The following ZNF654 variants were observed in gnomAD, a reference collection of about 807,000 sequenced individuals.
ZNF654 encodes zinc finger protein 654.
In ZNF654, 19 loss-of-function variants were observed where a neutral mutation model predicts 95.3. That is an observed-to-expected ratio of 0.20 (90% CI 0.14 to 0.29). ZNF654 has a LOEUF of 0.29. ZNF654 is among the 10% of genes least tolerant of loss of function. The pLI is 1.00. For missense variants in ZNF654, 1,046 were observed against 1,341.0 expected, an observed-to-expected ratio of 0.78 and a Z score of 3.44; for synonymous variants, 413 against 457.9, an observed-to-expected ratio of 0.90 and a Z score of 1.25.
At chr3:88,097,792 A>G (rs1252315900) in intron 2 of ZNF654, among the ~76,000 whole-genome samples, 4 of 152,214 alleles carry the variant, frequency 2.6e-5, no homozygotes. Context: ...AATGAGAACA[A>G]AGACACAACA....
intron 2 of ZNF654, among the ~76,000 whole-genome samples, chr3:88,094,051 C>T (rs1172367357): frequency 1.3e-5 from 2 of 151,772 alleles, no homozygotes; most frequent in Non-Finnish European, 2.9e-5. Context: ...AGAGAAAAAT[C>T]TAGGTCGTCT....
chr3:88,075,885 T>G (rs1290738409), intron 1 of ZNF654, among the ~76,000 whole-genome samples: 1 of 152,224 alleles, frequency 6.6e-6, no homozygotes, highest in Non-Finnish European at 1.5e-5. Flanking sequence ...TTGCTCACTC[T>G]TGTATCTGAC....
intron 2 of ZNF654, among the ~76,000 whole-genome samples, chr3:88,093,248 C>T (rs1292623167): frequency 6.6e-6 from 1 of 152,148 alleles, no homozygotes; most frequent in Non-Finnish European, 1.5e-5. Context: ...AGTTAAGTTT[C>T]ACAGGTGAAA....
chr3:88,132,889 A>G (rs574805964), intron 6 of ZNF654, among the ~76,000 whole-genome samples: 10 of 152,340 alleles, frequency 6.6e-5, no homozygotes, highest in African/African-American at 2.4e-4. Flanking sequence ...AAGTGATAGC[A>G]TCTGTGCCTA....
intron 1 of ZNF654, among the ~76,000 whole-genome samples, chr3:88,059,844 TTCC>T (rs1362899371): frequency 6.6e-6 from 1 of 152,132 alleles, no homozygotes; most frequent in Admixed American, 6.5e-5. Context: ...TTTCTTATGT[TTCC>T]TACCCTGGTC....
chr3:88,079,431 T>C (rs1446552467), intron 1 of ZNF654, among the ~76,000 whole-genome samples: 3 of 152,074 alleles, frequency 2.0e-5, no homozygotes, highest in Non-Finnish European at 4.4e-5. Context: ...TGATGGGACA[T>C]TGCATGTTTT....
At chr3:88,067,750 A>G (rs1707281188) in intron 1 of ZNF654, among the ~76,000 whole-genome samples, 1 of 152,222 alleles carries the variant, frequency 6.6e-6, no homozygotes, top group Non-Finnish European at 1.5e-5. Flanking sequence ...TGATGGGATC[A>G]GTAGTCAGGT....
intron 2 of ZNF654, among the ~76,000 whole-genome samples, chr3:88,110,141 G>C (rs1705001407): frequency 6.6e-6 from 1 of 152,118 alleles, no homozygotes; most frequent in South Asian, 2.1e-4. Flanking sequence ...GCCAGGAATT[G>C]TGCCAAGTGC....
intron 1 of ZNF654, among the ~76,000 whole-genome samples, chr3:88,073,528 G>A (rs1217842247): frequency 2.0e-5 from 3 of 152,142 alleles, no homozygotes; most frequent in African/African-American, 4.8e-5. Flanking sequence ...CTGAATAAGT[G>A]GCTGGAACAA....
chr3:88,139,920 C>T lies in ZNF654; in HGVS notation c.2251C>T (p.Leu751Phe). ...DQEGNFKCPA[L>F]GCVRIFKRIG... The stretch of plus-strand genomic sequence containing the variant: ...AGAAGGAAACTTTAAGTGTCCTGCT[C>T]TTGGTTGTGTCCGGATATTTAAAAG... The change falls in exon 8 of 9, where the codon CTT becomes TTT. Residue 751 changes from leucine to phenylalanine, a missense_variant. Transcript: ENST00000636215. 1 of 1,613,574 alleles carries T rather than the reference C, an allele frequency of 6.2e-7. No individual in the cohort carries two copies. Among genetic ancestry groups the T allele is most frequent in the Non-Finnish European group, 8.5e-7 (1 of 1,179,740 alleles).
chr3:88,126,230 C>G lies in ZNF654; in HGVS notation c.511C>G (p.Gln171Glu), dbSNP rs981496765. ...DGGPWEDPVL[Q>E]AVLKAQPASQ... ...TGGCCCATGGGAAGATCCAGTGTTG[C>G]AAGCTGTCCTTAAAGCTCAGCCAGC... The change falls in exon 4 of 9, where the codon CAA (glutamine) becomes GAA (glutamate). Residue 171 changes from glutamine to glutamate, a missense_variant. By Grantham distance (29) the Gln-to-Glu change is conservative. This residue lies in a region of ZNF654 where 91 missense variants were observed against 190.5 expected (regional missense o/e 0.48). Coordinates refer to ENST00000636215, the MANE Select transcript of ZNF654 (RefSeq NM_001350134.2). 3.9e-6 allele frequency: 6 copies of G among 1,529,236 alleles called. No individual in the cohort carries two copies. The highest frequency in any genetic ancestry group is 1.4e-5 in the African/African-American group (1 of 72,926). 94.7% of individuals were successfully genotyped at this position (1,529,236 alleles called of 1,614,324 possible).
In ZNF654 at chr3:88,117,945, T is replaced by TA. The variant is rs5850829; in HGVS notation, c.414+4761dup. Among the ~76,000 whole-genome samples, 182 of 147,818 alleles carry TA rather than the reference T, an allele frequency of 1.2e-3. 1 individual carries two copies. The highest frequency in any genetic ancestry group is 3.5e-3 in the African/African-American group (141 of 40,264). On this transcript the variant is annotated intron_variant, in intron 3 of 8. Transcript: ENST00000636215. ...CCAGTACTATTGCCCAATAGATGAT[T>TA]AAAAAAAAAAAACAACCAAGAACAT...
At chr3:88,096,902 C>T (rs2107699638) in intron 2 of ZNF654, among the ~76,000 whole-genome samples, 1 of 152,128 alleles carries the variant, frequency 6.6e-6, no homozygotes. Context: ...AGAAAAAAAC[C>T]TCATATTATC....
intron 1 of ZNF654, among the ~76,000 whole-genome samples, chr3:88,060,392 T>C (rs1326290219): frequency 6.6e-6 from 1 of 152,184 alleles, no homozygotes; most frequent in Non-Finnish European, 1.5e-5. Flanking sequence ...GGGTAAAGTT[T>C]GTGTACTCTG....
chr3:88,067,976 A>C (rs751111573), intron 1 of ZNF654, among the ~76,000 whole-genome samples: 3 of 152,158 alleles, frequency 2.0e-5, no homozygotes, highest in Non-Finnish European at 4.4e-5. Context: ...AAATCTACAA[A>C]AGAAGGGATT....
intron 1 of ZNF654, among the ~76,000 whole-genome samples, chr3:88,061,481 C>T (rs2107580363): frequency 6.6e-6 from 1 of 152,170 alleles, no homozygotes; most frequent in Middle Eastern, 3.4e-3. Context: ...CAACTTTTAC[C>T]TGAAACATAG....
chr3:88,060,883 G>A (rs1991659), intron 1 of ZNF654, among the ~76,000 whole-genome samples: 119,055 of 151,962 alleles, frequency 0.78, 47,552 homozygotes, highest in South Asian at 0.91. Context: ...TTTCAGGTAA[G>A]TTTTTAATGC....
At position 88,113,133 on chromosome 3, in the gene ZNF654, G is replaced by C. The variant is rs1170345738; in HGVS notation, c.351G>C (p.Leu117=). 5 of 1,533,506 alleles carry C rather than the reference G, an allele frequency of 3.3e-6. No individual in the cohort carries two copies. Among genetic ancestry groups the C allele is most frequent in the South Asian group, 1.2e-5 (1 of 83,852 alleles). 95.0% of individuals were successfully genotyped at this position (1,533,506 alleles called of 1,614,324 possible). A position where few individuals can be genotyped will look rare whatever the true frequency, so the allele number is the denominator to read the frequency against. ...SSLAVSFFEL[L]LFFGRDEFYE... is the part of the protein sequence containing the mutation. ...TTTCTAGGAGTTTCTTTGAGTTGCT[G>C]CTGTTCTTTGGAAGAGATGAGTTTT... is the stretch of plus-strand genomic sequence containing the variant. The change falls in exon 3 of 9, where the codon CTG becomes CTC. Residue 117 remains leucine (L), a synonymous_variant. Transcript: ENST00000636215.
chr3:88,112,556 G>A (rs1174352211), intron 2 of ZNF654, among the ~76,000 whole-genome samples: 1 of 151,936 alleles, frequency 6.6e-6, no homozygotes, highest in Non-Finnish European at 1.5e-5. Context: ...ATCCTGTTAT[G>A]AGTGGGATAA....
Sources: gnomAD v4.1 joint callset for allele counts (sites outside exome capture counted in the v4.1 genomes callset) on GRCh38, gnomAD v4.1.1 for gene constraint, gnomAD v4.1.1 regional missense constraint, MANE v1.5 for transcripts, NCBI Gene and HGNC (gene_info 2026-07-23, HGNC 2026-07-21) for gene names.